Variants in RTN4RL1 observed in about 807,000 individuals in gnomAD.
The protein encoded by RTN4RL1 is reticulon 4 receptor like 1.
In RTN4RL1, 7 loss-of-function variants were observed where a neutral mutation model predicts 25.6. The ratio of observed to expected loss-of-function variants is 0.27; its 90% CI spans 0.16 to 0.51. The LOEUF (loss-of-function observed/expected upper bound fraction) is 0.51, where lower values mean the gene tolerates loss of function less well. Ranked by LOEUF, RTN4RL1 falls within the 20% of genes least tolerant of loss-of-function variation. The pLI is 0.97. For synonymous variants in RTN4RL1, 297 were observed against 288.2 expected, an observed-to-expected ratio of 1.03 and a Z score of -0.31; for missense variants, 500 against 615.6, an observed-to-expected ratio of 0.81 and a Z score of 1.99.
At chr17:1,940,356 T>G (rs1915415718) in intron 1 of RTN4RL1, among the ~76,000 whole-genome samples, 1 of 152,188 alleles carries the variant, frequency 6.6e-6, no homozygotes, top group Admixed American at 6.5e-5. Context: ...CTCTCTGTGC[T>G]CTCTGCAGTG....
At chr17:2,015,889 C>A (rs1006883397) in intron 1 of RTN4RL1, among the ~76,000 whole-genome samples, 1 of 152,140 alleles carries the variant, frequency 6.6e-6, no homozygotes, top group Non-Finnish European at 1.5e-5. Context: ...TAACAGGCAA[C>A]GCTCAGCACA....
chr17:2,011,896 G>C (rs754125865), intron 1 of RTN4RL1, among the ~76,000 whole-genome samples: 2 of 152,036 alleles, frequency 1.3e-5, no homozygotes, highest in Non-Finnish European at 2.9e-5. Context: ...AGAAGTTCCC[G>C]AGCCTCTTTC....
At chr17:1,965,118 T>C (rs2066784797) in intron 1 of RTN4RL1, among the ~76,000 whole-genome samples, 2 of 149,446 alleles carry the variant, frequency 1.3e-5, no homozygotes, top group South Asian at 2.1e-4. Flanking sequence ...TTCTTTCTTT[T>C]TTTTTTTTGA....
At chr17:1,945,415 G>A (rs1012137948) in intron 1 of RTN4RL1, among the ~76,000 whole-genome samples, 1 of 151,976 alleles carries the variant, frequency 6.6e-6, no homozygotes, top group African/African-American at 2.4e-5. Flanking sequence ...TAGAAATGGG[G>A]TTTCACCATG....
At position 1,938,623 on chromosome 17, in the gene RTN4RL1, C is replaced by T. The variant is rs564356780; in HGVS notation, c.14-815G>A. Among the ~76,000 whole-genome samples the T allele has an allele frequency of 2.6e-5, 4 of 152,000 alleles. No homozygotes were observed. The South Asian group carries it at 6.3e-4, about 24-fold the overall frequency. ...AGAATCTCTTTATTTGAATCATTCC[C>T]AATTACAAGCACAGCATGCATGCGT... On this transcript the variant is annotated intron_variant, in intron 1 of 1. Coordinates refer to ENST00000331238, the MANE Select transcript of RTN4RL1 (RefSeq NM_178568.4).
At chr17:2,010,415 T>G (rs1267331840) in intron 1 of RTN4RL1, among the ~76,000 whole-genome samples, 1 of 152,164 alleles carries the variant, frequency 6.6e-6, no homozygotes, top group Non-Finnish European at 1.5e-5. Flanking sequence ...AGACGGAGAT[T>G]GCAGTGAGCC....
At chr17:1,962,732 G>A (rs991789341) in intron 1 of RTN4RL1, among the ~76,000 whole-genome samples, 2 of 151,760 alleles carry the variant, frequency 1.3e-5, no homozygotes, top group Non-Finnish European at 2.9e-5. Context: ...GGGCAGGATG[G>A]TGTGCCTGTA....
rs367774547 is a variant in RTN4RL1 at position 2,011,512 on chromosome 17, G to C, written c.13+13341C>G. On this transcript the variant is annotated intron_variant, in intron 1 of 1. Transcript: ENST00000331238. ...AAGGCCGTGCTGGAGAGCAAGGGGT[G>C]GGTCCATGGCTTTGGATGTGGGGCA... is the stretch of plus-strand genomic sequence containing the variant. Among the ~76,000 whole-genome samples the C allele has an allele frequency of 5.7e-4, 87 of 152,276 alleles. 1 individual carries two copies. Among genetic ancestry groups the C allele is most frequent in the African/African-American group, 2.0e-3 (82 of 41,556 alleles).
At chr17:1,977,572 C>A (rs549899633) in intron 1 of RTN4RL1, among the ~76,000 whole-genome samples, 1 of 152,126 alleles carries the variant, frequency 6.6e-6, no homozygotes, top group Non-Finnish European at 1.5e-5. Context: ...GAACCACCCG[C>A]GGCTGGGAGA....
intron 1 of RTN4RL1, among the ~76,000 whole-genome samples, chr17:1,999,188 C>A (rs2066944813): frequency 6.6e-6 from 1 of 150,898 alleles, no homozygotes; most frequent in South Asian, 2.1e-4. Context: ...TGGCTCACGG[C>A]TGTAATCTCA....
chr17:1,961,773 C>CAAAAAAAAAAAAAAAAAAAAAA (rs1163170575), intron 1 of RTN4RL1, among the ~76,000 whole-genome samples: 10 of 55,592 alleles, frequency 1.8e-4, no homozygotes, highest in Admixed American at 2.6e-4. Context: ...ACTAAAAATA[C>CAAAAAAAAAAAAAAAAAAAAAA]AAAAAAAAAA....
intron 1 of RTN4RL1, among the ~76,000 whole-genome samples, chr17:1,970,919 G>C (rs1481025613): frequency 6.6e-6 from 1 of 151,546 alleles, no homozygotes; most frequent in Non-Finnish European, 1.5e-5. Context: ...CCTCTCCCTA[G>C]AGAAGCGAGC....
intron 1 of RTN4RL1, among the ~76,000 whole-genome samples, chr17:2,012,490 GGT>G (rs561540864): frequency 7.6e-4 from 116 of 152,286 alleles, no homozygotes; most frequent in African/African-American, 2.6e-3. Context: ...AAAAGTGCGT[GGT>G]GTAGGACTCT....
chr17:1,987,759 ACACACACACG>A lies in RTN4RL1; in HGVS notation c.13+37084_13+37093del, dbSNP rs2066893084. Among the ~76,000 whole-genome samples the A allele has an allele frequency of 3.4e-5, 4 of 117,464 alleles. No homozygotes were observed. The Admixed American group carries it at 3.5e-4, about 10-fold the overall frequency. The allele number at this position is 117,464 out of a possible 152,430, so 77.1% of individuals were successfully genotyped here. The stretch of plus-strand genomic sequence containing the variant: ...CACACACACACACACACACACACAC[ACACACACACG>A]GACTTTCCACACATTATCCCACAAT... On this transcript the variant is annotated intron_variant, in intron 1 of 1. Coordinates refer to ENST00000331238, the MANE Select transcript of RTN4RL1 (RefSeq NM_178568.4).
At chr17:2,001,927 T>TGGGGGAGGGGGGGGGAGGGG (rs71150844) in intron 1 of RTN4RL1, among the ~76,000 whole-genome samples, 1 of 146,290 alleles carries the variant, frequency 6.8e-6, no homozygotes, top group African/African-American at 2.5e-5. Flanking sequence ...ACTTCAGCCC[T>TGGGGGAGGGGGGGGGAGGGG]GGGGGAGGGG....
Position 1,974,606 on chromosome 17 carries a change from C to T in RTN4RL1, c.14-36798G>A, listed in dbSNP as rs562527755. On this transcript the variant is annotated intron_variant, in intron 1 of 1. Transcript: ENST00000331238. ...ACCCACTGGTGTTACTACCCAGGGTCTGAAAGGGTAAAGAAAGGGACTGGA... is the reference window on the plus strand; with the variant it reads ...ACCCACTGGTGTTACTACCCAGGGTTTGAAAGGGTAAAGAAAGGGACTGGA... 4.5e-4 allele frequency among the ~76,000 whole-genome samples: 68 copies of T among 151,270 alleles called. No individual in the cohort carries two copies. In the Middle Eastern group the frequency reaches 0.01, roughly 23 times the overall value.
rs564760498 is a variant in RTN4RL1, at chr17:1,939,209, C to T, written c.14-1401G>A. On this transcript the variant is annotated intron_variant, in intron 1 of 1. Coordinates refer to ENST00000331238, the MANE Select transcript of RTN4RL1 (RefSeq NM_178568.4). ...CTACTAAAAATACAAAAAAATTAGC[C>T]GGGCGTGGTGGCGCGCACTTGTAGT... 1.5e-4 allele frequency among the ~76,000 whole-genome samples: 23 copies of T among 151,430 alleles called. No homozygotes were observed. In the East Asian group the frequency reaches 1.8e-3, roughly 12 times the overall value.
rs532463591 is a variant in RTN4RL1 at position 1,998,476 on chromosome 17, C to G, written c.13+26377G>C. Among the ~76,000 whole-genome samples the G allele has an allele frequency of 6.6e-6, 1 of 152,088 alleles. No individual in the cohort carries two copies. Among genetic ancestry groups the G allele is most frequent in the South Asian group, 2.1e-4 (1 of 4,834 alleles). ...ATCTGCGCACCCCACGCGCCCCGCT[C>G]GGGTCGGGCCTCCCCTCCCCGCGGC... On this transcript the variant is annotated intron_variant, in intron 1 of 1. Transcript: ENST00000331238. The surrounding 1 kb of genome is among the most constrained non-coding windows in gnomAD (Gnocchi z 4.9).
intron 1 of RTN4RL1, among the ~76,000 whole-genome samples, chr17:1,947,194 G>C (rs1014926399): frequency 8.5e-5 from 13 of 152,058 alleles, no homozygotes; most frequent in African/African-American, 2.9e-4. Flanking sequence ...CTGTGTGTCT[G>C]TGTGTGCACG....
Sources: allele counts gnomAD v4.1 joint callset (sites outside exome capture counted in the v4.1 genomes callset), GRCh38; gene constraint gnomAD v4.1.1; non-coding constraint Gnocchi (gnomAD v3.1); transcripts MANE v1.5; gene names NCBI Gene and HGNC (gene_info 2026-07-23, HGNC 2026-07-21).